NBAS: variants seen among roughly 807,000 people sequenced by gnomAD.
NBAS encodes NAG/BC035112 fusion.
A neutral mutation model predicts 302.5 loss-of-function variants in NBAS; 219 were observed. The observed-to-expected ratio is 0.72, with a 90% CI of 0.65 to 0.81. The LOEUF is 0.81. NBAS is among the 30% of genes least tolerant of loss of function. The pLI is 0.00. For missense variants in NBAS, 2,932 were observed against 2,841.6 expected (o/e 1.03, Z -0.72); for synonymous variants, 1,118 against 1,021.6 (o/e 1.09, Z -1.80).
chr2:15,146,558 T>C, the NBAS span, among the ~76,000 whole-genome samples: 1 of 152,014 alleles, frequency 6.6e-6, no homozygotes, highest in Non-Finnish European at 1.5e-5. Flanking sequence ...GGCTGTGGCA[T>C]AAATGAAGGG....
At chr2:14,904,151 C>A in the NBAS span, among the ~76,000 whole-genome samples, 4 of 152,198 alleles carry the variant, frequency 2.6e-5, no homozygotes, top group Non-Finnish European at 5.9e-5. Context: ...CAGAGTTCTA[C>A]AGAGAAACAG....
chr2:15,124,052 G>A, the NBAS span, among the ~76,000 whole-genome samples: 848 of 152,286 alleles, frequency 5.6e-3, 5 homozygotes, highest in Non-Finnish European at 9.9e-3. Context: ...AGATATGGAC[G>A]GTGAATTCCA....
the NBAS span, among the ~76,000 whole-genome samples, chr2:14,848,236 C>G: frequency 6.6e-6 from 1 of 150,894 alleles, no homozygotes; most frequent in African/African-American, 2.5e-5. Context: ...ATGCGAGAGC[C>G]GAAGCAGGGC....
At chr2:15,031,355 T>C in the NBAS span, among the ~76,000 whole-genome samples, 2 of 152,208 alleles carry the variant, frequency 1.3e-5, no homozygotes, top group African/African-American at 4.8e-5. Context: ...AATCTCAACA[T>C]GTCCACAGTC....
At chr2:15,268,313 C>T (rs150200462) in intron 44 of NBAS, among the ~76,000 whole-genome samples, 5 of 152,262 alleles carry the variant, frequency 3.3e-5, no homozygotes, top group East Asian at 3.9e-4. Flanking sequence ...CAGGACCAGA[C>T]GTTTGCTGCA....
At chr2:15,107,114 G>A in the NBAS span, among the ~76,000 whole-genome samples, 1 of 152,074 alleles carries the variant, frequency 6.6e-6, no homozygotes, top group African/African-American at 2.4e-5. Context: ...ATACCCCAGT[G>A]TGACTGTATT....
the NBAS span, among the ~76,000 whole-genome samples, chr2:15,145,581 G>A: frequency 1.3e-5 from 2 of 152,090 alleles, no homozygotes; most frequent in Non-Finnish European, 2.9e-5. Context: ...GCTGCAGGAA[G>A]AGGAGCATCT....
At chr2:15,440,355 A>G (rs139868166) in intron 21 of NBAS, among the ~76,000 whole-genome samples, 1,938 of 152,230 alleles carry the variant, frequency 0.013, 32 homozygotes, top group East Asian at 0.06. Flanking sequence ...GTTCACGAAA[A>G]ACCGCTATTC....
At chr2:15,355,615 T>C (rs1371910577) in intron 33 of NBAS, among the ~76,000 whole-genome samples, 1 of 152,104 alleles carries the variant, frequency 6.6e-6, no homozygotes, top group East Asian at 1.9e-4. Flanking sequence ...TGGGTGCAAT[T>C]TCTCATGGTT....
chr2:15,125,672 C>T, the NBAS span, among the ~76,000 whole-genome samples: 109 of 152,314 alleles, frequency 7.2e-4, 1 homozygote, highest in Admixed American at 3.7e-3. Flanking sequence ...TACCCTGTTA[C>T]GTTTCAGACT....
intron 40 of NBAS, among the ~76,000 whole-genome samples, chr2:15,295,074 G>C (rs929984106): frequency 1.3e-5 from 2 of 152,066 alleles, no homozygotes; most frequent in Admixed American, 6.5e-5. Flanking sequence ...ATTCATTTTT[G>C]ACTTTTTATT....
At chr2:15,330,857 T>C in intron 35 of NBAS, 92 bp from the exon 36 acceptor site, 4 of 1,360,204 alleles carry the variant, frequency 2.9e-6, no homozygotes, top group African/African-American at 1.5e-5. Flanking sequence ...AATGATCAGA[T>C]ATTAAACTTG....
chr2:15,459,007 A>G (rs932078479), intron 21 of NBAS, among the ~76,000 whole-genome samples: 3 of 152,252 alleles, frequency 2.0e-5, no homozygotes, highest in Admixed American at 6.5e-5. Flanking sequence ...TGACTAAATT[A>G]TTGATCACAA....
chr2:15,382,616 T>A (rs1675094624), intron 29 of NBAS, among the ~76,000 whole-genome samples: 1 of 152,116 alleles, frequency 6.6e-6, no homozygotes, highest in Non-Finnish European at 1.5e-5. Flanking sequence ...GAGGAAATGA[T>A]GACAGGCTTG....
the NBAS span, among the ~76,000 whole-genome samples, chr2:14,959,576 C>T: frequency 6.6e-6 from 1 of 152,188 alleles, no homozygotes; most frequent in African/African-American, 2.4e-5. Flanking sequence ...CATTACCTGC[C>T]CTCCATCCAC....
the NBAS span, among the ~76,000 whole-genome samples, chr2:15,089,742 C>CTTTTTTTT: frequency 2.5e-5 from 2 of 78,798 alleles, no homozygotes; most frequent in Non-Finnish European, 4.7e-5. Flanking sequence ...TGGGTCAGGA[C>CTTTTTTTT]TTTTTTTTTT....
At chr2:15,356,456 A>G (rs892050630) in intron 32 of NBAS, 40 bp from the exon 33 acceptor site, 7 of 1,357,366 alleles carry the variant, frequency 5.2e-6, no homozygotes, top group East Asian at 2.3e-5. Context: ...TATGACAAGC[A>G]ACGTCAATTG....
chr2:15,180,223 C>T (rs769642511), intron 50 of NBAS: 10 of 152,218 alleles, frequency 6.6e-5, no homozygotes, highest in Non-Finnish European at 1.2e-4. Flanking sequence ...CTTGGGAATT[C>T]TGCACATTAT....
chr2:14,839,645 C>T, the NBAS span, among the ~76,000 whole-genome samples: 1 of 152,048 alleles, frequency 6.6e-6, no homozygotes, highest in Non-Finnish European at 1.5e-5. Context: ...GAATCTCCCC[C>T]ATTTGAGACA....
Sources: gnomAD v4.1 joint callset for allele counts (sites outside exome capture counted in the v4.1 genomes callset) on GRCh38, gnomAD v4.1.1 for gene constraint, MANE v1.5 for transcripts, NCBI Gene and HGNC (gene_info 2026-07-23, HGNC 2026-07-21) for gene names.